PLCH2: variants seen among roughly 807,000 people sequenced by gnomAD.
PLCH2 encodes the protein 1-phosphatidylinositol 4,5-bisphosphate phosphodiesterase eta-2.
A neutral mutation model predicts 134.7 loss-of-function variants in PLCH2; 98 were observed. The observed-to-expected ratio is 0.73, with a 90% confidence interval of 0.62 to 0.86. The LOEUF (loss-of-function observed/expected upper bound fraction) is 0.86. PLCH2 is among the 40% of genes least tolerant of loss of function. PLCH2 has a pLI of 0.00. For synonymous variants in PLCH2, 974 were observed against 827.5 expected (o/e 1.18, Z -3.04); for missense variants, 1,994 against 1,986.6 (o/e 1.00, Z -0.07).
In PLCH2 at chr1:2,444,671, TC is replaced by T. The variant is rs936504187; in HGVS notation, c.115+14044del. Among the ~76,000 whole-genome samples, 1 of 152,056 alleles carries T rather than the reference TC, an allele frequency of 6.6e-6. No individual in the cohort carries two copies. The highest frequency in any genetic ancestry group is 6.5e-5 in the Admixed American group (1 of 15,270). On this transcript the variant is annotated intron_variant, in intron 2 of 3. Coordinates refer to the PLCH2 transcript ENST00000609981. This position sits in a 1 kb window ranked among gnomAD's most constrained non-coding sequence, Gnocchi z 4.6. ...AGGAGATAAGAGGCTTCCCCTCCCCTCCGCTCCCCGCCTCCCACACTGTCTG... is the reference window on the plus strand; with the variant it reads ...AGGAGATAAGAGGCTTCCCCTCCCCTCGCTCCCCGCCTCCCACACTGTCTG...
chr1:2,504,119 G>A lies in PLCH2; in HGVS notation c.3157G>A (p.Asp1053Asn). 1 of 1,524,568 alleles carries A rather than the reference G, an allele frequency of 6.6e-7. No homozygotes were observed. Among genetic ancestry groups the A allele is most frequent in the South Asian group, 1.2e-5 (1 of 81,536 alleles). The allele number at this position is 1,524,568 out of a possible 1,614,324, so 94.4% of individuals were successfully genotyped here. Residue 1053 changes from aspartate (D) to asparagine (N), a missense_variant, in exon 22 of 22, where the codon GAC (aspartate) becomes AAC (asparagine). This residue lies in a region of PLCH2 where 900 missense variants were observed against 752.3 expected (regional missense o/e 1.20). Coordinates refer to ENST00000378486, the MANE Select transcript of PLCH2 (RefSeq NM_014638.4). ...SPLEDTEEPRDSRPRPCNGEG... is the reference protein window; with the variant it reads ...SPLEDTEEPRNSRPRPCNGEG... ...CCTAGAGGACACTGAGGAGCCCCGA[G>A]ACAGCAGGCCTCGGCCGTGCAACGG...
upstream of PLCH2, among the ~76,000 whole-genome samples, chr1:2,474,063 C>T (rs1382331866): frequency 3.9e-5 from 6 of 152,308 alleles, no homozygotes; most frequent in Admixed American, 6.5e-5. Flanking sequence ...TCAGGATGGC[C>T]GGGCCCTGGC....
chr1:2,484,350 T>G, intron 4 of PLCH2, 98 bp from the exon 5 acceptor site: 3 of 1,188,838 alleles, frequency 2.5e-6, no homozygotes, highest in Non-Finnish European at 3.6e-6. Flanking sequence ...TGGGCTTGCA[T>G]GTTGGTCTTG....
At position 2,496,860 on chromosome 1, in the gene PLCH2, G is replaced by A. The variant is rs1263082124; in HGVS notation, c.1966G>A (p.Glu656Lys). 3.1e-6 allele frequency: 5 copies of A among 1,612,466 alleles called. No homozygotes were observed. The highest frequency in any genetic ancestry group is 3.4e-6 in the Non-Finnish European group (4 of 1,179,580). ...CAGCTGGCAGGTGTCGTCCTTCAGCGAGACCAAGGCCCACCAGATTCTGCA... is the reference window on the plus strand; with the variant it reads ...CAGCTGGCAGGTGTCGTCCTTCAGCAAGACCAAGGCCCACCAGATTCTGCA... ...ASSWQVSSFS[E>K]TKAHQILQQK... The change falls in exon 15 of 22, where the codon GAG (glutamate) becomes AAG (lysine). Residue 656 changes from glutamate to lysine, a missense_variant. Physicochemically the swap from Glu to Lys is moderately conservative, Grantham distance 56. Coordinates refer to ENST00000378486, the MANE Select transcript of PLCH2 (RefSeq NM_014638.4).
At chr1:2,446,656 C>T (rs1160919728) in intron 2 of PLCH2, among the ~76,000 whole-genome samples, 6 of 152,246 alleles carry the variant, frequency 3.9e-5, no homozygotes, top group African/African-American at 1.2e-4. Context: ...CCTTTCCACT[C>T]GCCCAGCACA....
intron 2 of PLCH2, among the ~76,000 whole-genome samples, chr1:2,441,460 C>T (rs1639689604): frequency 6.6e-6 from 1 of 152,200 alleles, no homozygotes; most frequent in South Asian, 2.1e-4. Flanking sequence ...CTCTTTCATT[C>T]ACCCACACCT....
At chr1:2,497,686 G>A (rs889893980) in intron 16 of PLCH2, 77 bp downstream of exon 16, 25 of 1,029,440 alleles carry the variant, frequency 2.4e-5, no homozygotes, top group East Asian at 1.0e-4. Context: ...AACAGAGATC[G>A]GAGCCCCACA....
At chr1:2,434,824 C>A (rs1639247465) in intron 2 of PLCH2, among the ~76,000 whole-genome samples, 1 of 152,242 alleles carries the variant, frequency 6.6e-6, no homozygotes, top group South Asian at 2.1e-4. Context: ...GAAATCGAGG[C>A]TCCCCGTGGA....
upstream of PLCH2, among the ~76,000 whole-genome samples, chr1:2,425,603 T>G (rs1301945889): frequency 6.6e-6 from 1 of 152,166 alleles, no homozygotes; most frequent in Non-Finnish European, 1.5e-5. Flanking sequence ...AATTTCTGCC[T>G]TCTGTGCTCA....
intron 2 of PLCH2, among the ~76,000 whole-genome samples, chr1:2,460,864 C>T (rs1194272762): frequency 2.6e-5 from 4 of 152,222 alleles, no homozygotes; most frequent in Non-Finnish European, 5.9e-5. Flanking sequence ...CCCCTCAGTG[C>T]AGCGGCAACA....
Position 2,484,438 on chromosome 1 carries a change from T to C in PLCH2, c.646-10T>C. The C allele has an allele frequency of 6.2e-7, 1 of 1,612,910 alleles. No homozygotes were observed. The highest frequency in any genetic ancestry group is 8.5e-7 in the Non-Finnish European group (1 of 1,179,582). On this transcript the variant is annotated splice_polypyrimidine_tract_variant and intron_variant, in intron 4 of 21. Transcript: ENST00000378486. ...AGGTGCCAATGGGGACCCAAGGCCT[T>C]GCATTGCAGGAAGCGGACACGGATG...
At chr1:2,455,371 C>A (rs1480891872) in intron 2 of PLCH2, among the ~76,000 whole-genome samples, 2 of 152,220 alleles carry the variant, frequency 1.3e-5, no homozygotes, top group Non-Finnish European at 2.9e-5. Context: ...CTGCCAGGCC[C>A]CCTCTGCATC....
chr1:2,498,472 G>A lies in PLCH2; in HGVS notation c.2225-51G>A, dbSNP rs976975215. The A allele has an allele frequency of 1.3e-6, 2 of 1,577,754 alleles. No individual in the cohort carries two copies. Among genetic ancestry groups the A allele is most frequent in the Admixed American group, 1.7e-5 (1 of 57,554 alleles). On this transcript the variant is annotated intron_variant, in intron 16 of 21. Coordinates refer to ENST00000378486, the MANE Select transcript of PLCH2 (RefSeq NM_014638.4). This position sits in a 1 kb window ranked among gnomAD's most constrained non-coding sequence, Gnocchi z 5.4. The stretch of plus-strand genomic sequence containing the variant: ...GTTGGCAGCCATGCCCCAGCAAGCA[G>A]GGGGCTTGCTGAGGGCTGGGCCACT...
chr1:2,474,254 G>A (rs1013356133), upstream of PLCH2, among the ~76,000 whole-genome samples: 8 of 152,200 alleles, frequency 5.3e-5, no homozygotes, highest in Non-Finnish European at 1.2e-4. Flanking sequence ...CTGGGCCCCT[G>A]CCACGTCTCT....
rs1291453042 is a variant in PLCH2 at position 2,479,731 on chromosome 1, C to T, written c.272-3C>T. 2.6e-6 allele frequency: 4 copies of T among 1,534,764 alleles called. No individual in the cohort carries two copies. The highest frequency in any genetic ancestry group is 3.5e-6 in the Non-Finnish European group (4 of 1,134,606). On this transcript the variant is annotated splice_polypyrimidine_tract_variant and splice_region_variant and intron_variant, in intron 2 of 21. Transcript: ENST00000378486. ...TGACCCGTGCTCCCTCCCCACCCCG[C>T]AGTCTCCATCGACTCCATCCAGGAG...
chr1:2,466,689 C>A (rs866125417), upstream of PLCH2, among the ~76,000 whole-genome samples: 2 of 152,368 alleles, frequency 1.3e-5, no homozygotes, highest in East Asian at 3.9e-4. Flanking sequence ...GAGGTGGTAC[C>A]TTTCAGAACA....
At chr1:2,479,216 G>A (rs760335409) in intron 2 of PLCH2, 3 of 165,808 alleles carry the variant, frequency 1.8e-5, no homozygotes, top group Admixed American at 1.1e-4. Context: ...GCCAGGCAAG[G>A]CCTCAGCCCA....
At chr1:2,495,116 G>A (rs879744548) in intron 12 of PLCH2, among the ~76,000 whole-genome samples, 168 bp downstream of exon 12, 49 of 152,138 alleles carry the variant, frequency 3.2e-4, no homozygotes, top group Admixed American at 1.4e-3. Context: ...AGTCCCCAGG[G>A]TTCCCAGCCT....
chr1:2,417,126 C>T, the PLCH2 span, among the ~76,000 whole-genome samples: 2 of 152,272 alleles, frequency 1.3e-5, no homozygotes, highest in Admixed American at 6.5e-5. Flanking sequence ...ATACCTGTGT[C>T]CCAGTCTCTA....
Sources: gnomAD v4.1 joint callset for allele counts (sites outside exome capture counted in the v4.1 genomes callset) on GRCh38, gnomAD v4.1.1 for gene constraint, gnomAD v4.1.1 regional missense constraint, Gnocchi (gnomAD v3.1) non-coding constraint, MANE v1.5 for transcripts, NCBI Gene and HGNC (gene_info 2026-07-23, HGNC 2026-07-21) for gene names.